FAM76A: variants seen among roughly 807,000 people sequenced by gnomAD.
The protein encoded by FAM76A is family with sequence similarity 76 member A.
Under a neutral mutation model 46.2 loss-of-function variants are expected in FAM76A, and 32 were observed. The ratio of observed to expected loss-of-function variants is 0.69; its 90% CI spans 0.52 to 0.93. The LOEUF (loss-of-function observed/expected upper bound fraction) is 0.93. Ranked by LOEUF, FAM76A falls within the 40% of genes least tolerant of loss-of-function variation. FAM76A has a pLI of 0.00. For missense variants in FAM76A, 274 were observed against 361.5 expected (o/e 0.76, Z 1.96); for synonymous variants, 137 against 127.0 (o/e 1.08, Z -0.53).
chr1:27,735,472 G>C (rs2088028808), intron 4 of FAM76A, among the ~76,000 whole-genome samples: 1 of 152,166 alleles, frequency 6.6e-6, no homozygotes, highest in Non-Finnish European at 1.5e-5. Context: ...CTCTTTTTCA[G>C]TGGCCAGAGG....
intron 4 of FAM76A, chr1:27,740,693 G>A (rs1195243081): frequency 2.0e-6 from 1 of 489,632 alleles, no homozygotes; most frequent in East Asian, 3.7e-5. Context: ...CAGGAATATT[G>A]ACTACCAAAT....
At chr1:27,757,428 G>A (rs1442997057) in intron 7 of FAM76A, among the ~76,000 whole-genome samples, 7 of 151,920 alleles carry the variant, frequency 4.6e-5, no homozygotes, top group Non-Finnish European at 5.9e-5. Context: ...GTGCAGTGGT[G>A]CAATCTCTGC....
intron 4 of FAM76A, among the ~76,000 whole-genome samples, chr1:27,736,651 G>T (rs991627512): frequency 6.6e-6 from 1 of 152,066 alleles, no homozygotes; most frequent in Non-Finnish European, 1.5e-5. Flanking sequence ...GCAGTGGCAC[G>T]ACCTCAGCTC....
At chr1:27,750,505 T>G (rs2088313724) in intron 6 of FAM76A, among the ~76,000 whole-genome samples, 1 of 152,190 alleles carries the variant, frequency 6.6e-6, no homozygotes, top group Non-Finnish European at 1.5e-5. Flanking sequence ...AAAAACTACT[T>G]CAAGGAATGA....
At chr1:27,748,404 G>A (rs1199129509) in intron 5 of FAM76A, among the ~76,000 whole-genome samples, 2 of 150,700 alleles carry the variant, frequency 1.3e-5, no homozygotes, top group Admixed American at 6.6e-5. Flanking sequence ...GATTACAGGC[G>A]TGAGCCACCG....
chr1:27,734,151 T>C lies in FAM76A; in HGVS notation c.322T>C (p.Cys108Arg). The C allele has an allele frequency of 2.5e-6, 4 of 1,591,258 alleles. No homozygotes were observed. Among genetic ancestry groups the C allele is most frequent in the Non-Finnish European group, 3.4e-6 (4 of 1,172,348 alleles). The change falls in exon 4 of 9, where the codon TGT becomes CGT. Residue 108 changes from cysteine to arginine, a missense_variant. Cys to Arg is a radical substitution (Grantham distance 180). Transcript: ENST00000373954. ...TTCTTGTGAACAGTGCAAGCAGCAG[T>C]GTGCATTTGACAGGAAAGATGATAG... The part of the protein sequence containing the change: ...PYSCEQCKQQ[C>R]AFDRKDDRKK...
intron 4 of FAM76A, chr1:27,740,761 AATTG>A (rs2088137649): frequency 8.2e-6 from 3 of 364,968 alleles, no homozygotes; most frequent in Admixed American, 4.2e-5. Flanking sequence ...TAATGATTAA[AATTG>A]ATTGTGCAGA....
At chr1:27,748,638 C>T (rs1239024768) in intron 5 of FAM76A, among the ~76,000 whole-genome samples, 2 of 150,942 alleles carry the variant, frequency 1.3e-5, no homozygotes, top group Non-Finnish European at 2.9e-5. Flanking sequence ...CCCGCCACCT[C>T]GCCTGGCTAA....
chr1:27,754,831 A>C (rs1188777041), intron 6 of FAM76A, among the ~76,000 whole-genome samples: 5 of 152,196 alleles, frequency 3.3e-5, no homozygotes, highest in African/African-American at 4.8e-5. Context: ...AATTCTAAGG[A>C]ATTTATCTAA....
intron 2 of FAM76A, among the ~76,000 whole-genome samples, chr1:27,730,995 C>T (rs2148565579): frequency 6.6e-6 from 1 of 151,822 alleles, no homozygotes. Flanking sequence ...TAGTTTTTAG[C>T]CCCAAAGTAC....
intron 4 of FAM76A, among the ~76,000 whole-genome samples, chr1:27,736,386 C>T (rs1324083832): frequency 6.6e-6 from 1 of 152,120 alleles, no homozygotes; most frequent in African/African-American, 2.4e-5. Flanking sequence ...TTAGTTCTGT[C>T]ACTTATTAAC....
chr1:27,759,765 G>GT, intron 8 of FAM76A, 138 bp downstream of exon 8: 2 of 611,748 alleles, frequency 3.3e-6, no homozygotes, highest in South Asian at 2.2e-5. Context: ...CCCCCTTTTA[G>GT]GTTTTTTTTT....
chr1:27,759,624 G>A lies in FAM76A; in HGVS notation c.834G>A (p.Leu278=). 1 of 1,608,302 alleles carries A rather than the reference G, an allele frequency of 6.2e-7. No homozygotes were observed. Among genetic ancestry groups the A allele is most frequent in the Non-Finnish European group, 8.5e-7 (1 of 1,175,270 alleles). Residue 278 remains leucine, a synonymous_variant, in exon 8 of 9, where the codon CTG becomes CTA. Transcript: ENST00000373954. ...EKTHKEVTEQ[L]QAKNRELLKQ... ...CCCACAAAGAAGTCACAGAACAACT[G>A]CAGGTGACTGACTCTGCTTATTTTA...
At chr1:27,740,500 T>C in intron 4 of FAM76A, 1 of 1,433,974 alleles carries the variant, frequency 7.0e-7, no homozygotes, top group South Asian at 1.1e-5. Context: ...TCCACAAGTG[T>C]GCAGAGGCAG....
intron 3 of FAM76A, among the ~76,000 whole-genome samples, chr1:27,733,364 A>C (rs1479022807): frequency 6.6e-6 from 1 of 152,162 alleles, no homozygotes; most frequent in African/African-American, 2.4e-5. Flanking sequence ...CAACATGTTT[A>C]TGTACTGATA....
chr1:27,760,603 A>G lies in FAM76A; in HGVS notation c.*22A>G, dbSNP rs2088488352. 3 of 1,575,578 alleles carry G rather than the reference A, an allele frequency of 1.9e-6. No individual in the cohort carries two copies. The East Asian group carries it at 6.8e-5, about 36-fold the overall frequency. On this transcript the variant is annotated 3_prime_UTR_variant, in exon 9 of 9. Transcript: ENST00000373954. ...ATGACAGACCTCAAGGAGGCTCCCT[A>G]GCAACAGCAAATGGAGTTGTCCAGG...
chr1:27,760,874 TTTC>T lies in FAM76A; in HGVS notation c.*296_*298del, dbSNP rs2088493766. 3 of 148,498 alleles carry T rather than the reference TTTC, an allele frequency of 2.0e-5. No individual in the cohort carries two copies. Among genetic ancestry groups the T allele is most frequent in the African/African-American group, 8.2e-5 (3 of 36,758 alleles). 9.2% of individuals were successfully genotyped at this position (148,498 alleles called of 1,614,324 possible). Reference sequence around the variant, plus strand: ...TTGGTTCTATTCTTTTTTTTTCTTTTTTCTTTTTTTTTTTTTTTTTTTTTTTGT... The same window carrying T: ...TTGGTTCTATTCTTTTTTTTTCTTTTTTTTTTTTTTTTTTTTTTTTTTTGT... On this transcript the variant is annotated 3_prime_UTR_variant, in exon 9 of 9. Transcript: ENST00000373954.
At chr1:27,757,890 T>C (rs1008199849) in intron 7 of FAM76A, among the ~76,000 whole-genome samples, 8 of 150,896 alleles carry the variant, frequency 5.3e-5, no homozygotes, top group Non-Finnish European at 1.2e-4. Context: ...GGCAGGAGAA[T>C]GGCGTGAACC....
intron 8 of FAM76A, 80 bp from the exon 9 acceptor site, chr1:27,760,415 C>T (rs2088484545): frequency 1.9e-5 from 21 of 1,114,616 alleles, no homozygotes; most frequent in Non-Finnish European, 2.5e-5. Flanking sequence ...TCTGCCTTAG[C>T]ATCTGCACTT....
Sources: gnomAD v4.1 joint callset for allele counts (sites outside exome capture counted in the v4.1 genomes callset) on GRCh38, gnomAD v4.1.1 for gene constraint, MANE v1.5 for transcripts, NCBI Gene and HGNC (gene_info 2026-07-23, HGNC 2026-07-21) for gene names.